The following LIPC variants were observed in gnomAD, a reference collection of about 807,000 sequenced individuals.
LIPC encodes lipase C, hepatic type, also known as hepatic triacylglycerol lipase.
In LIPC, 44 loss-of-function variants were observed where a neutral mutation model predicts 50.7. That is an observed-to-expected ratio of 0.87 (90% CI 0.68 to 1.11). The LOEUF (loss-of-function observed/expected upper bound fraction) is 1.11. Among genes scored for constraint, LIPC ranks in the 50% most tolerant of loss-of-function variants. The pLI, the probability that LIPC is intolerant of heterozygous loss-of-function variation, is 0.00. For synonymous variants in LIPC, 271 were observed against 256.4 expected, an observed-to-expected ratio of 1.06 and a Z score of -0.54; for missense variants, 697 against 648.2, an observed-to-expected ratio of 1.08 and a Z score of -0.82.
intron 1 of LIPC, among the ~76,000 whole-genome samples, chr15:58,535,342 G>A (rs1380238696): frequency 6.6e-6 from 1 of 152,240 alleles, no homozygotes; most frequent in Non-Finnish European, 1.5e-5. Flanking sequence ...TGTTGAGGAA[G>A]TGAATAAATG....
At chr15:58,530,024 A>T (rs1370261286) in intron 1 of LIPC, among the ~76,000 whole-genome samples, 1 of 152,244 alleles carries the variant, frequency 6.6e-6, no homozygotes, top group Non-Finnish European at 1.5e-5. Flanking sequence ...GGTAAAACGG[A>T]TTCTCGCCAG....
chr15:58,555,326 G>C (rs769109536), intron 6 of LIPC, among the ~76,000 whole-genome samples: 2 of 152,140 alleles, frequency 1.3e-5, no homozygotes, highest in Non-Finnish European at 2.9e-5. Flanking sequence ...TTGTGGCAGC[G>C]ATAGCCCAGG....
intron 1 of LIPC, among the ~76,000 whole-genome samples, chr15:58,479,296 T>G (rs1891107618): frequency 6.6e-6 from 1 of 152,226 alleles, no homozygotes; most frequent in Admixed American, 6.5e-5. Flanking sequence ...GTACAAACAG[T>G]AGGAAAGGTA....
At chr15:58,498,673 G>A (rs1236121389) in intron 1 of LIPC, 1 of 152,140 alleles carries the variant, frequency 6.6e-6, no homozygotes, top group Non-Finnish European at 1.5e-5. Flanking sequence ...TTACTCCCCA[G>A]CAGCTGAGCC....
intron 1 of LIPC, among the ~76,000 whole-genome samples, chr15:58,485,818 T>C (rs1034191618): frequency 6.6e-6 from 1 of 152,238 alleles, no homozygotes; most frequent in Non-Finnish European, 1.5e-5. Context: ...TTGAGGCCCC[T>C]TCTTCTCAAA....
chr15:58,491,438 G>T (rs913225670), intron 1 of LIPC, among the ~76,000 whole-genome samples: 3 of 152,172 alleles, frequency 2.0e-5, no homozygotes, highest in Admixed American at 6.5e-5. Context: ...TTGGTTGTCA[G>T]GTTTAAAAGA....
At chr15:58,487,341 G>T (rs1322856502) in intron 1 of LIPC, among the ~76,000 whole-genome samples, 1 of 152,178 alleles carries the variant, frequency 6.6e-6, no homozygotes, top group African/African-American at 2.4e-5. Flanking sequence ...AGGATTAAAC[G>T]AAGGGAAGGT....
At chr15:58,502,738 T>C (rs1864927419) in intron 1 of LIPC, among the ~76,000 whole-genome samples, 1 of 152,118 alleles carries the variant, frequency 6.6e-6, no homozygotes, top group Non-Finnish European at 1.5e-5. Context: ...AGGCTTCCAA[T>C]GCTGAAGAGA....
At position 58,519,318 on chromosome 15, in the gene LIPC, G is replaced by A. The variant is rs78347123; in HGVS notation, c.89-19015G>A. Among the ~76,000 whole-genome samples, 6 of 151,960 alleles carry A rather than the reference G, an allele frequency of 3.9e-5. No individual in the cohort carries two copies. The East Asian group carries it at 7.7e-4, about 20-fold the overall frequency. Reference sequence around the variant, plus strand: ...CCCAGCTACTCGGGAGGCCAAAGCAGGAGAATGGCGTGAACCCGGGAGGCG... The same window carrying A: ...CCCAGCTACTCGGGAGGCCAAAGCAAGAGAATGGCGTGAACCCGGGAGGCG... On this transcript the variant is annotated intron_variant, in intron 1 of 8. Transcript: ENST00000299022.
At chr15:58,500,923 A>C (rs1891963955) in intron 1 of LIPC, among the ~76,000 whole-genome samples, 1 of 152,104 alleles carries the variant, frequency 6.6e-6, no homozygotes, top group African/African-American at 2.4e-5. Context: ...CCCCCTTGGA[A>C]GACACACCAG....
intron 6 of LIPC, 55 bp downstream of exon 6, chr15:58,548,627 AG>A: frequency 6.4e-7 from 1 of 1,554,686 alleles, no homozygotes; most frequent in Non-Finnish European, 8.7e-7. Context: ...CCCTGTCCAA[AG>A]GGCTCAGAAG....
intron 1 of LIPC, among the ~76,000 whole-genome samples, chr15:58,464,980 G>T (rs1894496797): frequency 6.6e-6 from 1 of 152,028 alleles, no homozygotes. Context: ...CTCAAAAATG[G>T]GGAGCGAGGG....
At chr15:58,433,812 C>T (rs1234073352) in intron 1 of LIPC, among the ~76,000 whole-genome samples, 1 of 152,172 alleles carries the variant, frequency 6.6e-6, no homozygotes, top group Non-Finnish European at 1.5e-5. Context: ...CCACTATTAG[C>T]AAGAGGGTTC....
intron 1 of LIPC, among the ~76,000 whole-genome samples, chr15:58,486,842 C>T (rs1035866217): frequency 6.6e-6 from 1 of 152,176 alleles, no homozygotes; most frequent in Non-Finnish European, 1.5e-5. Flanking sequence ...TGAAATAATT[C>T]AACTATAGGT....
chr15:58,472,806 G>A (rs1259798311), intron 1 of LIPC, among the ~76,000 whole-genome samples: 1 of 152,162 alleles, frequency 6.6e-6, no homozygotes, highest in Non-Finnish European at 1.5e-5. Flanking sequence ...CTTCACAACG[G>A]CCTTATGAGG....
chr15:58,511,504 A>T (rs1892329711), intron 1 of LIPC, among the ~76,000 whole-genome samples: 1 of 152,250 alleles, frequency 6.6e-6, no homozygotes, highest in Non-Finnish European at 1.5e-5. Flanking sequence ...ACCACATCCC[A>T]AGGGTTAGGG....
chr15:58,463,653 C>T (rs566390884), intron 1 of LIPC, among the ~76,000 whole-genome samples: 44 of 152,246 alleles, frequency 2.9e-4, no homozygotes, highest in African/African-American at 8.7e-4. Context: ...CCTGAGATTG[C>T]GCAGGTATTC....
At chr15:58,485,764 G>A (rs1186545644) in intron 1 of LIPC, among the ~76,000 whole-genome samples, 1 of 152,246 alleles carries the variant, frequency 6.6e-6, no homozygotes, top group African/African-American at 2.4e-5. Context: ...TGACATCCCA[G>A]CGCTGCCTTC....
chr15:58,557,542 G>A (rs866651605), intron 6 of LIPC, among the ~76,000 whole-genome samples: 10 of 151,622 alleles, frequency 6.6e-5, no homozygotes, highest in Admixed American at 2.6e-4. Context: ...CCACCACCAC[G>A]CCCCGCTAAT....
Sources: gnomAD v4.1 joint callset for allele counts (sites outside exome capture counted in the v4.1 genomes callset) on GRCh38, gnomAD v4.1.1 for gene constraint, MANE v1.5 for transcripts, NCBI Gene and HGNC (gene_info 2026-07-23, HGNC 2026-07-21) for gene names.